Variants in GRAMD4 observed in about 807,000 individuals in gnomAD.
GRAMD4 encodes the protein GRAM domain-containing protein 4.
In GRAMD4, 25 loss-of-function variants were observed where a neutral mutation model predicts 83.9. That is an observed-to-expected ratio of 0.30 (90% CI 0.22 to 0.42). GRAMD4 has a LOEUF of 0.42. Among genes scored for constraint, GRAMD4 ranks in the 10% least tolerant of loss-of-function variants. GRAMD4 has a pLI of 1.00. For synonymous variants in GRAMD4, 336 were observed against 320.9 expected (o/e 1.05, Z -0.50); for missense variants, 593 against 788.7 (o/e 0.75, Z 2.97).
At chr22:46,668,975 G>A (rs1460652908) in intron 13 of GRAMD4, 67 bp downstream of exon 13, 22 of 864,840 alleles carry the variant, frequency 2.5e-5, no homozygotes, top group East Asian at 2.4e-4. Context: ...TGCCACCAGT[G>A]TCTGCCAGGT....
In GRAMD4 at chr22:46,621,229, T is replaced by A. The variant is rs909859035; in HGVS notation, c.-50+664T>A. ...TCTGGCCTGAGGTGCAGCCTGGAGC[T>A]ATGCTCAGTGTGTAGACGGGCCTTG... On this transcript the variant is annotated intron_variant, in intron 1 of 18. Coordinates refer to ENST00000406902, the MANE Select transcript of GRAMD4 (RefSeq NM_015124.5). The surrounding 1 kb of genome is among the most constrained non-coding windows in gnomAD (Gnocchi z 5.8). Among the ~76,000 whole-genome samples, 131 of 152,134 alleles carry A rather than the reference T, an allele frequency of 8.6e-4. 1 individual carries two copies. Among genetic ancestry groups the A allele is most frequent in the African/African-American group, 2.9e-3 (122 of 41,390 alleles).
intron 1 of GRAMD4, among the ~76,000 whole-genome samples, chr22:46,610,034 G>A (rs899694558): frequency 2.0e-5 from 3 of 152,158 alleles, no homozygotes; most frequent in African/African-American, 4.8e-5. Context: ...CCCAGGCTAC[G>A]GCCCAGGTTG....
In GRAMD4 at chr22:46,678,914, G is replaced by A. The variant is rs1195401075; in HGVS notation, c.*1663G>A. On this transcript the variant is annotated 3_prime_UTR_variant, in exon 19 of 19. Coordinates refer to ENST00000406902, the MANE Select transcript of GRAMD4 (RefSeq NM_015124.5). ...CGGAGCCCCCGTGGCTCTGGACTGC[G>A]CGGACGTTGGCGTCAGGATGACCAC... The A allele has an allele frequency of 5.1e-6, 5 of 985,764 alleles. No homozygotes were observed. The highest frequency in any genetic ancestry group is 4.7e-5 in the South Asian group (1 of 21,300). The allele number at this position is 985,764 out of a possible 1,614,324, so 61.1% of individuals were successfully genotyped here. A position where few individuals can be genotyped will look rare whatever the true frequency, so the allele number is the denominator to read the frequency against.
At chr22:46,639,069 G>A (rs2081933978) in intron 3 of GRAMD4, among the ~76,000 whole-genome samples, 2 of 152,218 alleles carry the variant, frequency 1.3e-5, no homozygotes, top group African/African-American at 4.8e-5. Flanking sequence ...TGTATGTACA[G>A]CACTGGACTG....
At chr22:46,601,462 G>T in intron 1 of GRAMD4, among the ~76,000 whole-genome samples, 1 of 151,684 alleles carries the variant, frequency 6.6e-6, no homozygotes, top group Non-Finnish European at 1.5e-5. Context: ...TGGGTTTTTT[G>T]TTTTTATTTT....
intron 1 of GRAMD4, among the ~76,000 whole-genome samples, chr22:46,607,355 G>T (rs1223770734): frequency 6.6e-6 from 1 of 152,308 alleles, no homozygotes; most frequent in South Asian, 2.1e-4. Flanking sequence ...AAAAAAAGGA[G>T]GGGTCATAAT....
At chr22:46,680,457 A>G (rs573397451), downstream of GRAMD4, among the ~76,000 whole-genome samples, 32 of 151,736 alleles carry the variant, frequency 2.1e-4, no homozygotes, top group Non-Finnish European at 4.1e-4. Context: ...GGGCCACGCC[A>G]CCCTAAGGGG....
intron 1 of GRAMD4, among the ~76,000 whole-genome samples, chr22:46,585,197 T>C (rs536094576): frequency 1.0e-3 from 158 of 151,348 alleles, no homozygotes; most frequent in Non-Finnish European, 1.7e-3. Context: ...TTCTTTCTTT[T>C]TTTTTTTTTT....
chr22:46,650,218 G>A (rs987118881), intron 3 of GRAMD4, among the ~76,000 whole-genome samples: 1 of 152,136 alleles, frequency 6.6e-6, no homozygotes, highest in East Asian at 1.9e-4. Context: ...CGTGTGCCAA[G>A]AGGACTCCTG....
chr22:46,588,170 T>G (rs2147926456), intron 1 of GRAMD4, among the ~76,000 whole-genome samples: 1 of 152,114 alleles, frequency 6.6e-6, no homozygotes, highest in Non-Finnish European at 1.5e-5. Flanking sequence ...AGGCAGGCCC[T>G]GGGGGGTCAC....
chr22:46,644,727 TTTTTTTTA>T, intron 3 of GRAMD4, among the ~76,000 whole-genome samples: 1 of 134,136 alleles, frequency 7.5e-6, no homozygotes, highest in Non-Finnish European at 1.6e-5. Flanking sequence ...TTTTTTTTTT[TTTTTTTTA>T]CTTTGTTTTG....
chr22:46,619,349 T>C (rs559894436), upstream of GRAMD4, among the ~76,000 whole-genome samples: 1 of 152,224 alleles, frequency 6.6e-6, no homozygotes, highest in African/African-American at 2.4e-5. Flanking sequence ...GTTTTTGTTT[T>C]GTTCTTAGAG....
intron 1 of GRAMD4, among the ~76,000 whole-genome samples, chr22:46,611,791 C>T (rs973055516): frequency 6.6e-6 from 1 of 151,098 alleles, no homozygotes; most frequent in African/African-American, 2.4e-5. Flanking sequence ...GAGATCGAGA[C>T]CATCCTGGCT....
intron 1 of GRAMD4, among the ~76,000 whole-genome samples, chr22:46,603,193 CTTCTCTTGTTTTT>C (rs1354689091): frequency 7.4e-6 from 1 of 134,614 alleles, no homozygotes; most frequent in Non-Finnish European, 1.5e-5. Flanking sequence ...CATAACGTAT[CTTCTCTTGTTTTT>C]TTTTTTTTTT....
Position 46,672,139 on chromosome 22 carries a change from G to T in GRAMD4, c.1085-704G>T, listed in dbSNP as rs950380974. Among the ~76,000 whole-genome samples the T allele has an allele frequency of 6.6e-6, 1 of 152,240 alleles. No individual in the cohort carries two copies. On this transcript the variant is annotated intron_variant, in intron 13 of 18. Transcript: ENST00000406902. This position sits in a 1 kb window ranked among gnomAD's most constrained non-coding sequence, Gnocchi z 4.7. ...TGCCCAGGGGGGTGCGTTAGCAGGTGTGTGGGGGCCGGCCCCGCCTCCCAT... is the reference window on the plus strand; with the variant it reads ...TGCCCAGGGGGGTGCGTTAGCAGGTTTGTGGGGGCCGGCCCCGCCTCCCAT...
At chr22:46,603,277 G>A (rs1367901732) in intron 1 of GRAMD4, among the ~76,000 whole-genome samples, 1 of 133,228 alleles carries the variant, frequency 7.5e-6, no homozygotes, top group Non-Finnish European at 1.5e-5. Context: ...GCATGACCTC[G>A]GCTCACTGCA....
intron 3 of GRAMD4, among the ~76,000 whole-genome samples, chr22:46,655,859 CT>C (rs2082235325): frequency 6.6e-6 from 1 of 152,178 alleles, no homozygotes; most frequent in Non-Finnish European, 1.5e-5. Context: ...GTCCTGAGCC[CT>C]GGGGAGGCAC....
chr22:46,657,603 G>A (rs998861838), intron 3 of GRAMD4, among the ~76,000 whole-genome samples: 7 of 152,210 alleles, frequency 4.6e-5, no homozygotes, highest in African/African-American at 1.7e-4. Context: ...TGGCCTCGCT[G>A]TGTTCCCTCC....
chr22:46,681,786 G>A (rs1252999362), downstream of GRAMD4, among the ~76,000 whole-genome samples: 14 of 152,206 alleles, frequency 9.2e-5, no homozygotes, highest in African/African-American at 2.7e-4. Context: ...TGAATGTAAC[G>A]GATGAATGAG....
Sources: gnomAD v4.1 joint callset for allele counts (sites outside exome capture counted in the v4.1 genomes callset) on GRCh38, gnomAD v4.1.1 for gene constraint, Gnocchi (gnomAD v3.1) non-coding constraint, MANE v1.5 for transcripts, NCBI Gene and HGNC (gene_info 2026-07-23, HGNC 2026-07-21) for gene names.